The following FAM193A variants were observed in gnomAD, a reference collection of about 807,000 sequenced individuals.
The protein encoded by FAM193A is protein FAM193A.
FAM193A carries 22 observed loss-of-function variants against 126.5 expected under a neutral mutation model. The ratio of observed to expected loss-of-function variants is 0.17; its 90% CI spans 0.12 to 0.25. The LOEUF is 0.25. Among genes scored for constraint, FAM193A ranks in the 10% least tolerant of loss-of-function variants. The probability of loss-of-function intolerance (pLI) is 1.00; values close to 1 mark genes in which losing one functional copy is unlikely to be tolerated. For missense variants in FAM193A, 1,675 were observed against 1,672.8 expected, an observed-to-expected ratio of 1.00 and a Z score of -0.02; for synonymous variants, 761 against 646.8, an observed-to-expected ratio of 1.18 and a Z score of -2.68.
rs531546003 is a variant in FAM193A, at chr4:2,629,939, T to C, written c.804-996T>C. On this transcript the variant is annotated intron_variant, in intron 4 of 20. Coordinates refer to ENST00000637812, the MANE Select transcript of FAM193A (RefSeq NM_001366318.2). ...CAAGGTCAGGAGATCGGGACCATCC[T>C]GGCTAACATGGTGAAACCCCGTCTC... Among the ~76,000 whole-genome samples, 247 of 152,264 alleles carry C rather than the reference T, an allele frequency of 1.6e-3. 1 individual carries two copies. Among genetic ancestry groups the C allele is most frequent in the African/African-American group, 5.8e-3 (240 of 41,558 alleles).
chr4:2,697,228 C>T (rs1280990735), intron 18 of FAM193A, among the ~76,000 whole-genome samples: 4 of 152,104 alleles, frequency 2.6e-5, no homozygotes, highest in East Asian at 1.9e-4. Flanking sequence ...TGGTGGTGTA[C>T]GCCTGTAGTC....
intron 1 of FAM193A, among the ~76,000 whole-genome samples, chr4:2,576,525 T>C (rs559321488): frequency 6.6e-6 from 1 of 152,276 alleles, no homozygotes; most frequent in South Asian, 2.1e-4. Context: ...ATTGTGCCTG[T>C]GAATAGCCAC....
rs567477480 is a variant in FAM193A at position 2,709,952 on chromosome 4, C to A, written c.4373-6071C>A. On this transcript the variant is annotated intron_variant, in intron 19 of 20. Transcript: ENST00000637812. ...TCTTTCTGTAGTAAATTATTCTTTT[C>A]AACTAGATTTTCAAATTTATTTGCA... 6.2e-4 allele frequency among the ~76,000 whole-genome samples: 95 copies of A among 152,166 alleles called. 3 individuals carry two copies. In the South Asian group the frequency reaches 0.013, roughly 21 times the overall value.
intron 13 of FAM193A, among the ~76,000 whole-genome samples, chr4:2,681,661 A>C (rs1422308041): frequency 6.6e-6 from 1 of 151,814 alleles, no homozygotes; most frequent in Non-Finnish European, 1.5e-5. Context: ...CGGAGGTCTC[A>C]CCATGTTGCC....
intron 19 of FAM193A, 23 bp downstream of exon 19, chr4:2,700,567 G>A (rs948727948): frequency 6.3e-7 from 1 of 1,590,456 alleles, no homozygotes; most frequent in Non-Finnish European, 8.6e-7. Flanking sequence ...TAGCGGGAAG[G>A]TATTTCTGAG....
chr4:2,627,759 T>C (rs958023061), intron 4 of FAM193A, among the ~76,000 whole-genome samples: 2 of 150,994 alleles, frequency 1.3e-5, no homozygotes, highest in African/African-American at 4.9e-5. Context: ...TTTTTTTTTT[T>C]TGAGACGATG....
intron 1 of FAM193A, among the ~76,000 whole-genome samples, chr4:2,549,129 G>A (rs540398589): frequency 4.4e-4 from 66 of 151,492 alleles, no homozygotes; most frequent in African/African-American, 1.5e-3. Context: ...AGTAGAGATG[G>A]TGTTTCACCA....
intron 1 of FAM193A, among the ~76,000 whole-genome samples, chr4:2,575,229 G>C (rs1455943884): frequency 4.6e-5 from 7 of 152,134 alleles, no homozygotes; most frequent in South Asian, 2.1e-4. Context: ...GTGACGAGAC[G>C]GTGGAAGAGA....
intron 15 of FAM193A, among the ~76,000 whole-genome samples, chr4:2,693,001 A>G (rs1371672028): frequency 2.6e-5 from 4 of 152,214 alleles, no homozygotes; most frequent in Non-Finnish European, 2.9e-5. Flanking sequence ...CCAGGGGTTC[A>G]GGACCAGCCT....
intron 10 of FAM193A, among the ~76,000 whole-genome samples, chr4:2,660,436 C>T (rs976713387): frequency 9.2e-5 from 14 of 152,136 alleles, no homozygotes; most frequent in South Asian, 4.1e-4. Flanking sequence ...CTCAGGTGAT[C>T]GCTTTAGCAA....
intron 5 of FAM193A, among the ~76,000 whole-genome samples, chr4:2,635,367 T>A (rs1743988029): frequency 1.3e-5 from 2 of 152,202 alleles, no homozygotes; most frequent in Non-Finnish European, 2.9e-5. Context: ...CAGACTTACA[T>A]CAGTACTTGC....
chr4:2,682,853 T>C (rs1437647436), intron 13 of FAM193A, among the ~76,000 whole-genome samples: 1 of 152,220 alleles, frequency 6.6e-6, no homozygotes, highest in Non-Finnish European at 1.5e-5. Flanking sequence ...CCCAGTACAG[T>C]GATGATGATT....
intron 1 of FAM193A, among the ~76,000 whole-genome samples, chr4:2,594,502 C>T (rs920819555): frequency 5.9e-5 from 9 of 152,176 alleles, no homozygotes; most frequent in South Asian, 4.1e-4. Context: ...ACACCCTACA[C>T]GGCAGGAGAG....
intron 13 of FAM193A, 33 bp downstream of exon 13, chr4:2,672,405 C>T: frequency 6.2e-7 from 1 of 1,610,568 alleles, no homozygotes; most frequent in Non-Finnish European, 8.5e-7. Flanking sequence ...TGAAAGCTCA[C>T]TCTTCACTGA....
intron 7 of FAM193A, among the ~76,000 whole-genome samples, chr4:2,651,646 C>T (rs1381811159): frequency 6.6e-6 from 1 of 152,214 alleles, no homozygotes; most frequent in Non-Finnish European, 1.5e-5. Context: ...TACAGTTTGA[C>T]ATGAGATTTG....
intron 13 of FAM193A, among the ~76,000 whole-genome samples, chr4:2,681,151 A>C (rs1715067422): frequency 6.6e-6 from 1 of 151,664 alleles, no homozygotes; most frequent in Non-Finnish European, 1.5e-5. Context: ...CACCACTCCC[A>C]GCCCCTTTTA....
chr4:2,590,004 G>T lies in FAM193A; in HGVS notation c.256-6080G>T, dbSNP rs191457803. On this transcript the variant is annotated intron_variant, in intron 1 of 20. Coordinates refer to ENST00000637812, the MANE Select transcript of FAM193A (RefSeq NM_001366318.2). ...ACAAAAACTAGCCGGGCATGGTGGC[G>T]CAGGCATGTAATCCCAGCTACTCAG... 7.6e-4 allele frequency among the ~76,000 whole-genome samples: 116 copies of T among 151,926 alleles called. No individual in the cohort carries two copies. The East Asian group carries it at 0.02, about 26-fold the overall frequency.
chr4:2,688,074 T>C (rs1715947284), intron 13 of FAM193A, among the ~76,000 whole-genome samples: 1 of 152,184 alleles, frequency 6.6e-6, no homozygotes, highest in Non-Finnish European at 1.5e-5. Context: ...GATGACCAGG[T>C]TGCCCATAAC....
At chr4:2,555,780 G>C (rs959807605) in intron 1 of FAM193A, among the ~76,000 whole-genome samples, 19 of 144,890 alleles carry the variant, frequency 1.3e-4, no homozygotes, top group African/African-American at 4.6e-4. Flanking sequence ...ACCACACCCA[G>C]AGAATTTTTT....
Sources: gnomAD v4.1 joint callset for allele counts (sites outside exome capture counted in the v4.1 genomes callset) on GRCh38, gnomAD v4.1.1 for gene constraint, MANE v1.5 for transcripts, NCBI Gene and HGNC (gene_info 2026-07-23, HGNC 2026-07-21) for gene names.